SDK1: variants seen among roughly 807,000 people sequenced by gnomAD.
The protein encoded by SDK1 is sidekick cell adhesion molecule 1, also known as protein sidekick-1.
SDK1 carries 157 observed loss-of-function variants against 245.5 expected under a neutral mutation model. The ratio of observed to expected loss-of-function variants is 0.64; its 90% CI spans 0.56 to 0.73. The LOEUF (loss-of-function observed/expected upper bound fraction) is 0.73. SDK1 is among the 30% of genes least tolerant of loss of function. SDK1 has a pLI of 0.00. For missense variants in SDK1, 3,583 were observed against 3,002.3 expected (o/e 1.19, Z -4.52); for synonymous variants, 1,647 against 1,278.5 (o/e 1.29, Z -6.15).
In SDK1 at chr7:3,528,099, A is replaced by G. The variant is rs376598300; in HGVS notation, c.299-90981A>G. 9.3e-5 allele frequency among the ~76,000 whole-genome samples: 12 copies of G among 129,266 alleles called. No individual in the cohort carries two copies. In the East Asian group the frequency reaches 1.8e-3, roughly 20 times the overall value. 84.8% of individuals were successfully genotyped at this position (129,266 alleles called of 152,430 possible). A position where few individuals can be genotyped will look rare whatever the true frequency, so the allele number is the denominator to read the frequency against. ...CATAGCCAGCTAGGGGGTGAAGGGT[A>G]GGAGGTAAGGTTGGATCATAGCCAG... is the stretch of plus-strand genomic sequence containing the variant. On this transcript the variant is annotated intron_variant, in intron 1 of 44. Coordinates refer to ENST00000404826, the MANE Select transcript of SDK1 (RefSeq NM_152744.4).
intron 5 of SDK1, among the ~76,000 whole-genome samples, chr7:3,841,535 T>G (rs1218451917): frequency 6.6e-6 from 1 of 152,138 alleles, no homozygotes; most frequent in Admixed American, 6.5e-5. Flanking sequence ...ACTGCCCACC[T>G]TAGGTCAAGT....
intron 1 of SDK1, among the ~76,000 whole-genome samples, chr7:3,477,235 G>A (rs1158141257): frequency 5.2e-5 from 6 of 114,360 alleles, no homozygotes; most frequent in South Asian, 2.8e-4. Flanking sequence ...TTGCTCTGTC[G>A]CTCAGGCTGG....
chr7:4,255,780 G>A (rs1323662439), intron 44 of SDK1, among the ~76,000 whole-genome samples: 2 of 152,124 alleles, frequency 1.3e-5, no homozygotes, highest in African/African-American at 2.4e-5. Context: ...ACACTGAGCT[G>A]GGGGAATTGG....
chr7:3,558,486 C>A (rs1187348868), intron 1 of SDK1, among the ~76,000 whole-genome samples: 2 of 152,300 alleles, frequency 1.3e-5, no homozygotes, highest in East Asian at 3.9e-4. Flanking sequence ...TTAGAATTAG[C>A]CTGGCTTGGA....
chr7:4,078,745 G>A (rs34912216), intron 21 of SDK1, among the ~76,000 whole-genome samples: 55,499 of 152,082 alleles, frequency 0.36, 12,395 homozygotes, highest in African/African-American at 0.63. Flanking sequence ...TTTGGGGAGC[G>A]GCATCTGAAG....
intron 5 of SDK1, among the ~76,000 whole-genome samples, chr7:3,902,357 A>T (rs974955491): frequency 5.9e-5 from 9 of 152,074 alleles, no homozygotes; most frequent in African/African-American, 2.2e-4. Flanking sequence ...GTATTTACCC[A>T]CTTATTCAAT....
intron 1 of SDK1, among the ~76,000 whole-genome samples, chr7:3,444,856 G>C (rs141290048): frequency 6.6e-6 from 1 of 152,270 alleles, no homozygotes; most frequent in Non-Finnish European, 1.5e-5. Context: ...TGCATGGTTT[G>C]AATAGCCTCA....
At chr7:4,000,074 C>A (rs1422131166) in intron 14 of SDK1, among the ~76,000 whole-genome samples, 1 of 152,120 alleles carries the variant, frequency 6.6e-6, no homozygotes, top group Non-Finnish European at 1.5e-5. Flanking sequence ...AGGCTGAGGG[C>A]CTGGAGCAGG....
In SDK1 at chr7:3,351,272, T is replaced by C. The variant is rs137922282; in HGVS notation, c.298+49388T>C. Among the ~76,000 whole-genome samples the C allele has an allele frequency of 2.2e-3, 336 of 152,286 alleles. 5 individuals are homozygous for C. The highest frequency in any genetic ancestry group is 1.3e-3 in the Non-Finnish European group (86 of 68,012). ...GAAGCATGAGAATTTAGGAAAGTTA[T>C]ATTGAGACATATAAATAATAAAAAT... On this transcript the variant is annotated intron_variant, in intron 1 of 44. Transcript: ENST00000404826.
chr7:3,563,820 C>A (rs1208366847), intron 1 of SDK1, among the ~76,000 whole-genome samples: 1 of 151,994 alleles, frequency 6.6e-6, no homozygotes, highest in African/African-American at 2.4e-5. Flanking sequence ...CTCAATTTCC[C>A]AGGAATGAAA....
chr7:4,017,174 C>T lies in SDK1; in HGVS notation c.2424C>T (p.Tyr808=). The T allele has an allele frequency of 3.7e-6, 6 of 1,609,032 alleles. No homozygotes were observed. Among genetic ancestry groups the T allele is most frequent in the Non-Finnish European group, 5.1e-6 (6 of 1,177,368 alleles). ...NGVLRGYILR[Y]RLAGLPGEYQ... The stretch of plus-strand genomic sequence containing the variant: ...ATGGGCTTCCTTCGTGGCGCAGGTA[C>T]CGCCTGGCTGGCCTTCCCGGAGAGT... The change falls in exon 17 of 45, where the codon TAC becomes TAT. Residue 808 remains tyrosine, a synonymous_variant. Transcript: ENST00000404826.
chr7:3,951,970 G>C, intron 7 of SDK1, 50 bp downstream of exon 7: 1 of 1,500,688 alleles, frequency 6.7e-7, no homozygotes, highest in Non-Finnish European at 9.1e-7. Context: ...GATAGCATCC[G>C]ACACTGACTC....
Position 3,564,446 on chromosome 7 carries a change from G to A in SDK1, c.299-54634G>A, listed in dbSNP as rs368713235. Among the ~76,000 whole-genome samples the A allele has an allele frequency of 1.1e-3, 161 of 151,966 alleles. 3 individuals are homozygous for A. In the South Asian group the frequency reaches 0.031, roughly 29 times the overall value. ...TGAGGTTGCAGTGAGCCGAGATTGC[G>A]CAACTACTTTCCATCTTGGGTGACA... is the stretch of plus-strand genomic sequence containing the variant. On this transcript the variant is annotated intron_variant, in intron 1 of 44. Transcript: ENST00000404826.
At chr7:3,716,857 A>G (rs2115024571) in intron 4 of SDK1, among the ~76,000 whole-genome samples, 1 of 152,302 alleles carries the variant, frequency 6.6e-6, no homozygotes, top group Middle Eastern at 3.4e-3. Context: ...TCCTCCAAAC[A>G]GAAAGAAGAA....
At chr7:3,802,954 G>C (rs1404604296) in intron 4 of SDK1, among the ~76,000 whole-genome samples, 1 of 152,184 alleles carries the variant, frequency 6.6e-6, no homozygotes, top group Non-Finnish European at 1.5e-5. Flanking sequence ...TTTTTGCGTA[G>C]ATGTAAATTT....
intron 8 of SDK1, 38 bp from the exon 9 acceptor site, chr7:3,962,619 T>C: frequency 2.6e-6 from 4 of 1,512,958 alleles, no homozygotes; most frequent in Non-Finnish European, 3.6e-6. Context: ...ACGTCAGGAA[T>C]TATTTTTAAA....
At chr7:3,432,631 G>A (rs1583849104) in intron 1 of SDK1, among the ~76,000 whole-genome samples, 1 of 152,118 alleles carries the variant, frequency 6.6e-6, no homozygotes, top group African/African-American at 2.4e-5. Context: ...TCTGGCTCAA[G>A]GTAATACTTG....
intron 5 of SDK1, among the ~76,000 whole-genome samples, chr7:3,914,932 C>G (rs10240465): frequency 1.3e-5 from 2 of 152,158 alleles, no homozygotes; most frequent in African/African-American, 4.8e-5. Flanking sequence ...ACGGGCAAGA[C>G]TGAACTCATT....
At chr7:3,324,892 C>T (rs1779904597) in intron 1 of SDK1, among the ~76,000 whole-genome samples, 2 of 152,150 alleles carry the variant, frequency 1.3e-5, no homozygotes, top group Non-Finnish European at 2.9e-5. Context: ...TCCCATGCTT[C>T]ATTTTTCCTA....
Sources: allele counts gnomAD v4.1 joint callset (sites outside exome capture counted in the v4.1 genomes callset), GRCh38; gene constraint gnomAD v4.1.1; transcripts MANE v1.5; gene names NCBI Gene and HGNC (gene_info 2026-07-23, HGNC 2026-07-21).